KLF7: variants seen among roughly 807,000 people sequenced by gnomAD.
KLF7 encodes Krueppel-like factor 7.
Under a neutral mutation model 27.3 loss-of-function variants are expected in KLF7, and 2 were observed. The observed-to-expected ratio is 0.07, with a 90% CI of 0.03 to 0.23. The LOEUF is 0.23. Among genes scored for constraint, KLF7 ranks in the 10% least tolerant of loss-of-function variants. The pLI is 1.00. For synonymous variants in KLF7, 165 were observed against 162.4 expected (o/e 1.02, Z -0.12); for missense variants, 221 against 394.1 (o/e 0.56, Z 3.72).
chr2:207,126,724 G>A (rs2077485221), intron 1 of KLF7, among the ~76,000 whole-genome samples: 1 of 151,634 alleles, frequency 6.6e-6, no homozygotes, highest in Non-Finnish European at 1.5e-5. Context: ...AATCACTTAA[G>A]CCCGGGAGTT....
chr2:207,096,735 C>A (rs2076640044), intron 2 of KLF7, among the ~76,000 whole-genome samples: 2 of 152,180 alleles, frequency 1.3e-5, no homozygotes, highest in Non-Finnish European at 1.5e-5. Flanking sequence ...GCAGGGGCCA[C>A]ATTTGACTTG....
chr2:207,152,103 T>C (rs1313638599), intron 1 of KLF7, among the ~76,000 whole-genome samples: 1 of 152,202 alleles, frequency 6.6e-6, no homozygotes, highest in Non-Finnish European at 1.5e-5. Flanking sequence ...AAGTACTTTA[T>C]TATAATACCC....
At chr2:207,150,063 C>A (rs2078200507) in intron 1 of KLF7, among the ~76,000 whole-genome samples, 1 of 152,174 alleles carries the variant, frequency 6.6e-6, no homozygotes, top group South Asian at 2.1e-4. Flanking sequence ...ACCCAAAACC[C>A]AGACTTCCTT....
chr2:207,167,800 C>T (rs2078752134), upstream of KLF7, among the ~76,000 whole-genome samples: 1 of 152,186 alleles, frequency 6.6e-6, no homozygotes, highest in African/African-American at 2.4e-5. Flanking sequence ...ATAGTGGGAT[C>T]CGCGTTGTCT....
chr2:207,103,680 C>T (rs1256554137), intron 2 of KLF7, among the ~76,000 whole-genome samples: 2 of 152,176 alleles, frequency 1.3e-5, no homozygotes, highest in South Asian at 2.1e-4. Context: ...TGCTCTAGTC[C>T]TAGCTGTTAC....
At chr2:207,134,277 G>A in intron 1 of KLF7, 1 of 612,306 alleles carries the variant, frequency 1.6e-6, no homozygotes. Context: ...AAAACACACA[G>A]ACACATACGA....
At chr2:207,132,004 C>A (rs2077650153) in intron 1 of KLF7, among the ~76,000 whole-genome samples, 1 of 152,150 alleles carries the variant, frequency 6.6e-6, no homozygotes, top group African/African-American at 2.4e-5. Flanking sequence ...GTGCAAGCAT[C>A]CACCTTGGGA....
At chr2:207,171,789 C>T (rs1278418403), upstream of KLF7, among the ~76,000 whole-genome samples, 2 of 152,208 alleles carry the variant, frequency 1.3e-5, no homozygotes, top group Non-Finnish European at 2.9e-5. Context: ...AAATATAACT[C>T]ATATGCACTG....
rs528002769 is a variant in KLF7, at chr2:207,079,049, C to G, written c.*2164G>C. The G allele has an allele frequency of 6.9e-6, 1 of 144,578 alleles. No homozygotes were observed. Among genetic ancestry groups the G allele is most frequent in the African/African-American group, 2.6e-5 (1 of 38,432 alleles). The allele number at this position is 144,578 out of a possible 1,614,324, so 9.0% of individuals were successfully genotyped here. Reference sequence around the variant, plus strand: ...TAACGGGTGTTCTTTCTTTTTTTTTCGTTTTGTATTATTTTGTTTTTTTTT... The same window carrying G: ...TAACGGGTGTTCTTTCTTTTTTTTTGGTTTTGTATTATTTTGTTTTTTTTT... On this transcript the variant is annotated 3_prime_UTR_variant, in exon 4 of 4. Coordinates refer to ENST00000309446, the MANE Select transcript of KLF7 (RefSeq NM_003709.4).
At chr2:207,173,571 T>C in the KLF7 span, 1 of 152,164 alleles carries the variant, frequency 6.6e-6, no homozygotes, top group Non-Finnish European at 1.5e-5. Flanking sequence ...CATCCCAATC[T>C]TGCCACTAGC....
In KLF7 at chr2:207,165,659, A is replaced by G; in HGVS notation, c.-91T>C. On this transcript the variant is annotated 5_prime_UTR_variant, in exon 1 of 4. Transcript: ENST00000309446. ...GTCAGTCTGTCTGGCTCACCCCCCAAGAAGGCAGACATCCAGTGGCCCTTT... is the reference window on the plus strand; with the variant it reads ...GTCAGTCTGTCTGGCTCACCCCCCAGGAAGGCAGACATCCAGTGGCCCTTT... The G allele has an allele frequency of 6.3e-7, 1 of 1,586,688 alleles. No homozygotes were observed.
intron 1 of KLF7, among the ~76,000 whole-genome samples, chr2:207,150,619 T>C (rs967172521): frequency 2.6e-5 from 4 of 152,228 alleles, no homozygotes; most frequent in African/African-American, 4.8e-5. Flanking sequence ...CTGCACTTCA[T>C]ATGGGAAATA....
intron 1 of KLF7, among the ~76,000 whole-genome samples, chr2:207,143,547 T>C (rs2078005972): frequency 6.6e-6 from 1 of 152,244 alleles, no homozygotes; most frequent in African/African-American, 2.4e-5. Flanking sequence ...GATGTTTTTC[T>C]GGCTTTCTAA....
intron 1 of KLF7, among the ~76,000 whole-genome samples, 182 bp from the exon 2 acceptor site, chr2:207,124,586 A>G (rs1279401458): frequency 2.0e-5 from 3 of 152,166 alleles, no homozygotes; most frequent in Non-Finnish European, 2.9e-5. Context: ...AAGGTTCATA[A>G]GGGTCACATC....
chr2:207,143,486 T>C (rs545204246), intron 1 of KLF7, among the ~76,000 whole-genome samples: 4 of 152,294 alleles, frequency 2.6e-5, no homozygotes, highest in Admixed American at 1.3e-4. Context: ...TTGAGGGAAC[T>C]GAAGGTTCGG....
intron 3 of KLF7, among the ~76,000 whole-genome samples, chr2:207,084,326 T>C (rs2076339799): frequency 1.3e-5 from 2 of 152,180 alleles, no homozygotes; most frequent in Non-Finnish European, 2.9e-5. Flanking sequence ...AGAACTTTAT[T>C]TGAAAGAACC....
intron 2 of KLF7, among the ~76,000 whole-genome samples, chr2:207,118,629 C>T (rs367812043): frequency 7.9e-5 from 12 of 152,120 alleles, no homozygotes; most frequent in East Asian, 1.9e-4. Flanking sequence ...AGCTGTGTGA[C>T]GCCAGGCAAA....
chr2:207,098,030 A>G (rs192433247), intron 2 of KLF7, among the ~76,000 whole-genome samples: 57 of 152,320 alleles, frequency 3.7e-4, no homozygotes, highest in African/African-American at 1.2e-3. Flanking sequence ...TTTAGACCTC[A>G]ACAACACTTA....
intron 1 of KLF7, among the ~76,000 whole-genome samples, chr2:207,161,215 A>C (rs1379149825): frequency 1.3e-5 from 2 of 152,242 alleles, no homozygotes; most frequent in African/African-American, 4.8e-5. Flanking sequence ...TTGTAGAGTT[A>C]CATCTATTTA....
Sources: gnomAD v4.1 joint callset for allele counts (sites outside exome capture counted in the v4.1 genomes callset) on GRCh38, gnomAD v4.1.1 for gene constraint, MANE v1.5 for transcripts, NCBI Gene and HGNC (gene_info 2026-07-23, HGNC 2026-07-21) for gene names.